The following MSI2 variants were observed in gnomAD, a reference collection of about 807,000 sequenced individuals.
The protein encoded by MSI2 is musashi RNA binding protein 2.
MSI2 carries 17 observed loss-of-function variants against 45.6 expected under a neutral mutation model. That is an observed-to-expected ratio of 0.37 (90% CI 0.26 to 0.56). The LOEUF is 0.56. Ranked by LOEUF, MSI2 falls within the 20% of genes least tolerant of loss-of-function variation. MSI2 has a pLI of 0.77. For synonymous variants in MSI2, 156 were observed against 158.2 expected (o/e 0.99, Z 0.11); for missense variants, 293 against 444.2 (o/e 0.66, Z 3.06).
intron 10 of MSI2, among the ~76,000 whole-genome samples, chr17:57,638,140 C>G (rs953460676): frequency 6.6e-6 from 1 of 152,216 alleles, no homozygotes; most frequent in Non-Finnish European, 1.5e-5. Flanking sequence ...GTAGCTGGTG[C>G]CTTCTGGCAG....
chr17:57,525,266 CTTTTTTGGG>C (rs1354646140), intron 6 of MSI2, among the ~76,000 whole-genome samples: 1 of 151,966 alleles, frequency 6.6e-6, no homozygotes, highest in African/African-American at 2.4e-5. Flanking sequence ...CTTTACTTTG[CTTTTTTGGG>C]GGGGGCAGGT....
chr17:57,537,341 C>A (rs2086942568), intron 7 of MSI2, among the ~76,000 whole-genome samples: 1 of 152,170 alleles, frequency 6.6e-6, no homozygotes, highest in African/African-American at 2.4e-5. Flanking sequence ...GCCCTGTAAC[C>A]TTGCAGCGAT....
At chr17:57,557,797 G>C (rs2144225885) in intron 7 of MSI2, among the ~76,000 whole-genome samples, 1 of 152,342 alleles carries the variant, frequency 6.6e-6, no homozygotes, top group Admixed American at 6.5e-5. Flanking sequence ...GCCCCAGTTT[G>C]GGTCTGAGTT....
intron 9 of MSI2, among the ~76,000 whole-genome samples, chr17:57,618,816 A>G (rs1433850069): frequency 6.6e-6 from 1 of 152,242 alleles, no homozygotes; most frequent in Non-Finnish European, 1.5e-5. Context: ...TGCTGGGATT[A>G]CAGGCGTGAG....
intron 5 of MSI2, among the ~76,000 whole-genome samples, chr17:57,295,798 C>T (rs565690714): frequency 4.3e-4 from 65 of 152,154 alleles, no homozygotes; most frequent in South Asian, 2.7e-3. Context: ...AAAACAGCAC[C>T]GTCATTTCCT....
At chr17:57,474,333 C>G (rs1487734412) in intron 6 of MSI2, among the ~76,000 whole-genome samples, 1 of 152,144 alleles carries the variant, frequency 6.6e-6, no homozygotes, top group Non-Finnish European at 1.5e-5. Flanking sequence ...CGAACATCCC[C>G]CACAAAATGA....
At chr17:57,270,952 G>A (rs1387564924) in intron 5 of MSI2, among the ~76,000 whole-genome samples, 3 of 152,202 alleles carry the variant, frequency 2.0e-5, no homozygotes, top group African/African-American at 7.2e-5. Flanking sequence ...ATAGCATGCA[G>A]CCTTTATCTT....
At chr17:57,530,119 A>G (rs1206295632) in intron 7 of MSI2, among the ~76,000 whole-genome samples, 1 of 152,184 alleles carries the variant, frequency 6.6e-6, no homozygotes, top group Non-Finnish European at 1.5e-5. Context: ...GCAGACTGTC[A>G]ATCTAAAGAG....
intron 5 of MSI2, chr17:57,274,427 G>A (rs550158816): frequency 9.2e-5 from 14 of 152,242 alleles, no homozygotes; most frequent in African/African-American, 3.4e-4. Context: ...ACCTTCATGG[G>A]GTTGTCATAA....
At chr17:57,559,231 G>T (rs944796295) in intron 7 of MSI2, among the ~76,000 whole-genome samples, 1 of 152,160 alleles carries the variant, frequency 6.6e-6, no homozygotes, top group African/African-American at 2.4e-5. Context: ...GGGAGAGTTT[G>T]GGCTAAAACA....
intron 6 of MSI2, among the ~76,000 whole-genome samples, chr17:57,516,557 G>A (rs2086473997): frequency 6.6e-6 from 1 of 152,172 alleles, no homozygotes; most frequent in Non-Finnish European, 1.5e-5. Context: ...TACAAAGTCT[G>A]TTATCCCATT....
intron 5 of MSI2, among the ~76,000 whole-genome samples, chr17:57,327,864 G>A (rs1297395388): frequency 1.3e-5 from 2 of 152,184 alleles, no homozygotes; most frequent in African/African-American, 4.8e-5. Flanking sequence ...CTGCTTGTGT[G>A]TGTGGGAGCC....
At chr17:57,341,286 CAGA>C (rs1915128772) in intron 5 of MSI2, among the ~76,000 whole-genome samples, 1 of 152,192 alleles carries the variant, frequency 6.6e-6, no homozygotes, top group African/African-American at 2.4e-5. Context: ...GGTGTGTGTG[CAGA>C]AGGAGGTCTG....
intron 7 of MSI2, among the ~76,000 whole-genome samples, chr17:57,555,896 C>A (rs190457946): frequency 1.3e-5 from 2 of 152,326 alleles, no homozygotes; most frequent in African/African-American, 4.8e-5. Context: ...CCTCTCCCTA[C>A]AGCCAGGACA....
At chr17:57,351,446 T>C (rs960988209) in intron 5 of MSI2, among the ~76,000 whole-genome samples, 1 of 152,196 alleles carries the variant, frequency 6.6e-6, no homozygotes, top group Admixed American at 6.5e-5. Flanking sequence ...CTTGTATAGC[T>C]TTGAAACAAA....
chr17:57,616,888 T>C (rs1464247003), intron 9 of MSI2, among the ~76,000 whole-genome samples: 1 of 152,216 alleles, frequency 6.6e-6, no homozygotes, highest in Non-Finnish European at 1.5e-5. Context: ...GTGCAAGTTA[T>C]TGTGTGTCAG....
intron 6 of MSI2, among the ~76,000 whole-genome samples, chr17:57,491,362 T>G (rs2085868529): frequency 6.6e-6 from 1 of 152,206 alleles, no homozygotes. Flanking sequence ...AGATCCTACA[T>G]AGCTGCAATT....
chr17:57,345,708 A>T (rs1915540873), intron 5 of MSI2, among the ~76,000 whole-genome samples: 1 of 151,340 alleles, frequency 6.6e-6, no homozygotes, highest in Non-Finnish European at 1.5e-5. Flanking sequence ...AATCCCAGCT[A>T]CTCGGGAGGC....
chr17:57,663,239 C>G (rs1411129853), intron 11 of MSI2, among the ~76,000 whole-genome samples: 1 of 152,202 alleles, frequency 6.6e-6, no homozygotes, highest in Non-Finnish European at 1.5e-5. Flanking sequence ...GGAGGCTGGG[C>G]ACCCGGTACC....
Sources: gnomAD v4.1 joint callset for allele counts (sites outside exome capture counted in the v4.1 genomes callset) on GRCh38, gnomAD v4.1.1 for gene constraint, MANE v1.5 for transcripts, NCBI Gene and HGNC (gene_info 2026-07-23, HGNC 2026-07-21) for gene names.